The following RPGR variants were observed in gnomAD, a reference collection of about 807,000 sequenced individuals.
The protein encoded by RPGR is retinitis pigmentosa GTPase regulator.
In RPGR, 10 loss-of-function variants were observed where a neutral mutation model predicts 56.3. The observed-to-expected ratio is 0.18, with a 90% CI of 0.11 to 0.30. The LOEUF is 0.30. Among genes scored for constraint, RPGR ranks in the 10% least tolerant of loss-of-function variants. RPGR has a pLI of 1.00. For synonymous variants in RPGR, 197 were observed against 212.9 expected, an observed-to-expected ratio of 0.93 and a Z score of 0.65; for missense variants, 538 against 590.9, an observed-to-expected ratio of 0.91 and a Z score of 0.93.
At chrX:38,322,997 A>C (rs746892008) in intron 2 of RPGR, 52 bp from the exon 3 acceptor site, 8 of 898,737 alleles carry the variant, frequency 8.9e-6, no homozygotes, top group Non-Finnish European at 1.3e-5. Context: ...CACATAATGT[A>C]AGATGAGGTC....
intron 13 of RPGR, among the ~76,000 whole-genome samples, chrX:38,290,521 T>C (rs1210696177): frequency 1.8e-5 from 2 of 112,372 alleles, no homozygotes; most frequent in African/African-American, 6.5e-5. Flanking sequence ...TCAAAGATTT[T>C]CACTAAAATC....
intron 17 of RPGR, among the ~76,000 whole-genome samples, chrX:38,274,383 G>C (rs2066892917): frequency 8.9e-6 from 1 of 112,271 alleles, no homozygotes; most frequent in Non-Finnish European, 1.9e-5. Flanking sequence ...CTTTAGGCCA[G>C]CCCAGTAGTC....
intron 15 of RPGR, among the ~76,000 whole-genome samples, chrX:38,277,620 T>C (rs2066959457): frequency 8.9e-6 from 1 of 112,029 alleles, no homozygotes; most frequent in Admixed American, 9.5e-5. Context: ...AAGTTTATTA[T>C]AACTGCTTCT....
intron 6 of RPGR, among the ~76,000 whole-genome samples, chrX:38,315,844 G>T (rs946838382): frequency 3.5e-4 from 37 of 105,001 alleles, no homozygotes; most frequent in African/African-American, 4.9e-4. Context: ...TATATAGAGA[G>T]AGAGAGAGAG....
chrX:38,287,886 G>T lies in RPGR; in HGVS notation c.1728C>A (p.Ile576=). ...CTACTTCCTCATCTGAAAATGCTTC[G>T]ATAGTCGTAGCTGGCTGCGTCATGA... Residue 576 remains isoleucine (I), a synonymous_variant, in exon 14 of 19, where the codon ATC becomes ATA. Transcript: ENST00000642395. 1.7e-6 allele frequency: 2 copies of T among 1,210,340 alleles called. No individual in the cohort carries two copies. Among genetic ancestry groups the T allele is most frequent in the Non-Finnish European group, 1.1e-6 (1 of 894,640 alleles).
At chrX:38,313,629 G>A (rs73632471) in intron 6 of RPGR, among the ~76,000 whole-genome samples, 4,214 of 111,705 alleles carry the variant, frequency 0.038, 202 homozygotes, top group African/African-American at 0.13. Flanking sequence ...CTGGAAGACT[G>A]GAGTTCGAAT....
chrX:38,317,690 C>T, intron 5 of RPGR: 1 of 354,604 alleles, frequency 2.8e-6, no homozygotes, highest in East Asian at 4.8e-5. Context: ...GATTGTAAAT[C>T]ACTTAAGTCC....
chrX:38,291,021 G>C lies in RPGR; in HGVS notation c.1510C>G (p.His504Asp). ...TCATTGGAATTCAGGCTCATGATGT[G>C]TGTCTGAAATAAATAAAAAATATAT... The change falls in exon 13 of 19, where the codon CAC becomes GAC. Residue 504 changes from histidine (H) to aspartate (D), a missense_variant. Transcript: ENST00000642395. 1 of 977,902 alleles carries C rather than the reference G, an allele frequency of 1.0e-6. No individual in the cohort carries two copies. The highest frequency in any genetic ancestry group is 1.4e-6 in the Non-Finnish European group (1 of 720,475). 80.6% of individuals were successfully genotyped at this position (977,902 alleles called of 1,213,427 possible).
intron 5 of RPGR, among the ~76,000 whole-genome samples, chrX:38,318,395 T>G (rs950489219): frequency 9.1e-6 from 1 of 109,579 alleles, no homozygotes; most frequent in Non-Finnish European, 1.9e-5. Context: ...CATATGGGCT[T>G]TTGGTAGGGA....
chrX:38,277,575 TCACTA>T (rs1180383105), intron 15 of RPGR, among the ~76,000 whole-genome samples: 1 of 111,556 alleles, frequency 9.0e-6, no homozygotes, highest in Admixed American at 9.5e-5. Flanking sequence ...TTTACACACT[TCACTA>T]AAGTTATAAC....
intron 11 of RPGR, chrX:38,296,068 C>G (rs767446692): frequency 8.9e-6 from 1 of 111,930 alleles, no homozygotes; most frequent in South Asian, 3.7e-4. Flanking sequence ...AATCCCAGCA[C>G]TTTGGGAGGC....
At chrX:38,299,753 A>G (rs1355359841) in intron 9 of RPGR, among the ~76,000 whole-genome samples, 1 of 110,000 alleles carries the variant, frequency 9.1e-6, no homozygotes, top group Non-Finnish European at 1.9e-5. Flanking sequence ...AAAAAAACCC[A>G]TAGTGCAGTA....
chrX:38,298,600 A>G (rs2067441054), intron 10 of RPGR, among the ~76,000 whole-genome samples: 1 of 111,637 alleles, frequency 9.0e-6, no homozygotes, highest in South Asian at 3.7e-4. Flanking sequence ...TACCATAATA[A>G]AAAAAAGCAT....
At chrX:38,295,545 CA>C (rs1178674126) in intron 11 of RPGR, among the ~76,000 whole-genome samples, 3 of 112,258 alleles carry the variant, frequency 2.7e-5, no homozygotes, top group Non-Finnish European at 5.6e-5. Context: ...TCCTTGTACA[CA>C]CTACATACTG....
chrX:38,280,499 G>T (rs2067011825), intron 15 of RPGR, among the ~76,000 whole-genome samples: 1 of 110,802 alleles, frequency 9.0e-6, no homozygotes. Context: ...GCCACAGTGT[G>T]ATGCTCCCAG....
intron 9 of RPGR, 150 bp from the exon 10 acceptor site, chrX:38,299,291 G>A (rs764056113): frequency 3.9e-5 from 21 of 536,353 alleles, no homozygotes; most frequent in Non-Finnish European, 6.0e-5. Flanking sequence ...GTATGTGTGT[G>A]CACAATGAGA....
chrX:38,277,494 A>G (rs1206001009), intron 15 of RPGR, among the ~76,000 whole-genome samples: 1 of 109,853 alleles, frequency 9.1e-6, no homozygotes, highest in African/African-American at 3.3e-5. Flanking sequence ...TAACTTTCTA[A>G]TTTTGGGTGA....
chrX:38,276,128 C>A (rs986892099), intron 16 of RPGR, among the ~76,000 whole-genome samples: 3 of 111,887 alleles, frequency 2.7e-5, no homozygotes, highest in Non-Finnish European at 3.8e-5. Flanking sequence ...GTCTAGACTG[C>A]ACCTTTGAAG....
At chrX:38,276,864 T>TA in intron 15 of RPGR, 1 of 736,513 alleles carries the variant, frequency 1.4e-6, no homozygotes, top group South Asian at 2.5e-5. Flanking sequence ...TTGTGTCATC[T>TA]AAAAAAACCA....
Sources: allele counts gnomAD v4.1 joint callset (sites outside exome capture counted in the v4.1 genomes callset), GRCh38; gene constraint gnomAD v4.1.1; transcripts MANE v1.5; gene names NCBI Gene and HGNC (gene_info 2026-07-23, HGNC 2026-07-21).